The following RNF220 variants were observed in gnomAD, a reference collection of about 807,000 sequenced individuals.
RNF220 encodes the protein ring finger protein 220, also known as E3 ubiquitin-protein ligase RNF220.
In RNF220, 7 loss-of-function variants were observed where a neutral mutation model predicts 67.1. The observed-to-expected ratio is 0.10, with a 90% CI of 0.06 to 0.20. The LOEUF is 0.20. Among genes scored for constraint, RNF220 ranks in the 10% least tolerant of loss-of-function variants. The probability of loss-of-function intolerance (pLI) is 1.00; values close to 1 mark genes in which losing one functional copy is unlikely to be tolerated. For synonymous variants in RNF220, 270 were observed against 283.2 expected (o/e 0.95, Z 0.47); for missense variants, 565 against 740.3 (o/e 0.76, Z 2.75).
intron 2 of RNF220, among the ~76,000 whole-genome samples, chr1:44,418,841 ATAAT>A (rs1353847478): frequency 3.3e-5 from 5 of 152,164 alleles, no homozygotes; most frequent in Non-Finnish European, 7.3e-5. Flanking sequence ...TTCTTTGTAA[ATAAT>A]TGAGATTTGG....
chr1:44,597,359 A>G (rs1666572875), intron 2 of RNF220, among the ~76,000 whole-genome samples: 1 of 152,152 alleles, frequency 6.6e-6, no homozygotes, highest in South Asian at 2.1e-4. Flanking sequence ...TTTGGGGGGA[A>G]AAGGGGCAAG....
At chr1:44,557,029 C>G (rs1663151332) in intron 2 of RNF220, among the ~76,000 whole-genome samples, 1 of 151,474 alleles carries the variant, frequency 6.6e-6, no homozygotes, top group African/African-American at 2.4e-5. Context: ...ACCCTGGGCC[C>G]TCATTCTGCA....
At chr1:44,598,026 CT>C (rs1208962896) in intron 2 of RNF220, among the ~76,000 whole-genome samples, 2 of 151,816 alleles carry the variant, frequency 1.3e-5, no homozygotes, top group Non-Finnish European at 2.9e-5. Flanking sequence ...GGGACATATC[CT>C]GAAACCAGCC....
chr1:44,492,426 A>G (rs1656935458), intron 2 of RNF220, among the ~76,000 whole-genome samples: 1 of 152,212 alleles, frequency 6.6e-6, no homozygotes, highest in Non-Finnish European at 1.5e-5. Context: ...TATATACCCA[A>G]AAGAACTGAA....
chr1:44,628,245 C>T (rs1375616444), intron 5 of RNF220, among the ~76,000 whole-genome samples: 1 of 152,248 alleles, frequency 6.6e-6, no homozygotes, highest in East Asian at 1.9e-4. Flanking sequence ...ATCTGTTCAA[C>T]TAGGAAAGAG....
At chr1:44,568,763 C>G (rs190566842) in intron 2 of RNF220, among the ~76,000 whole-genome samples, 7 of 152,166 alleles carry the variant, frequency 4.6e-5, no homozygotes, top group African/African-American at 9.7e-5. Flanking sequence ...CGAGCTCCCC[C>G]ACCAACATGT....
At chr1:44,427,363 G>A (rs925569689) in intron 2 of RNF220, among the ~76,000 whole-genome samples, 15 of 152,064 alleles carry the variant, frequency 9.9e-5, no homozygotes, top group African/African-American at 1.2e-4. Context: ...ATGTATGTCA[G>A]GCTGTCTCCA....
At chr1:44,447,049 G>A (rs1206480750) in intron 2 of RNF220, among the ~76,000 whole-genome samples, 1 of 152,162 alleles carries the variant, frequency 6.6e-6, no homozygotes, top group Non-Finnish European at 1.5e-5. Context: ...TTATTATAGT[G>A]ATAACCTTGA....
At chr1:44,618,037 C>T (rs746591171) in intron 3 of RNF220, among the ~76,000 whole-genome samples, 4 of 152,160 alleles carry the variant, frequency 2.6e-5, no homozygotes, top group Non-Finnish European at 4.4e-5. Flanking sequence ...TGGATGCTGC[C>T]GCCAGGTGCC....
At chr1:44,484,624 T>A (rs1401313243) in intron 2 of RNF220, among the ~76,000 whole-genome samples, 2 of 152,068 alleles carry the variant, frequency 1.3e-5, no homozygotes, top group Non-Finnish European at 2.9e-5. Context: ...AGAACTGTTT[T>A]GAACAGAATG....
chr1:44,479,216 C>T (rs560051541), intron 2 of RNF220, among the ~76,000 whole-genome samples: 15 of 151,654 alleles, frequency 9.9e-5, no homozygotes, highest in Non-Finnish European at 2.1e-4. Flanking sequence ...CCCGGGTTCA[C>T]GCCATTCTCC....
intron 2 of RNF220, among the ~76,000 whole-genome samples, chr1:44,555,877 C>A (rs1663040937): frequency 1.3e-5 from 2 of 150,822 alleles, no homozygotes; most frequent in Admixed American, 1.3e-4. Context: ...TCCTACTAAT[C>A]TTTCAAGACC....
chr1:44,423,493 A>G (rs1340646), intron 2 of RNF220, among the ~76,000 whole-genome samples: 52,454 of 152,024 alleles, frequency 0.35, 9,721 homozygotes, highest in East Asian at 0.67. Flanking sequence ...TTCTAAAGAT[A>G]TGTCACTAGA....
chr1:44,473,699 G>T (rs1655022246), intron 2 of RNF220, among the ~76,000 whole-genome samples: 1 of 152,062 alleles, frequency 6.6e-6, no homozygotes, highest in South Asian at 2.1e-4. Context: ...AGATAATTGG[G>T]CTCTGTAACT....
intron 2 of RNF220, among the ~76,000 whole-genome samples, chr1:44,517,884 A>G (rs1659581051): frequency 6.6e-6 from 1 of 152,224 alleles, no homozygotes; most frequent in African/African-American, 2.4e-5. Context: ...AGGCAGGTGG[A>G]TCACCTGAGG....
chr1:44,645,920 G>C lies in RNF220; in HGVS notation c.1445+432G>C, dbSNP rs1490926918. On this transcript the variant is annotated intron_variant, in intron 12 of 14. Coordinates refer to ENST00000361799, the MANE Select transcript of RNF220 (RefSeq NM_018150.4). This position sits in a 1 kb window ranked among gnomAD's most constrained non-coding sequence, Gnocchi z 5.0. ...GGAACATTGGGTATCATCACTTCTG[G>C]TAGGAATTTTTGGCCTGGGTTCTCT... is the stretch of plus-strand genomic sequence containing the variant. Among the ~76,000 whole-genome samples, 1 of 152,244 alleles carries C rather than the reference G, an allele frequency of 6.6e-6. No individual in the cohort carries two copies. Among genetic ancestry groups the C allele is most frequent in the Non-Finnish European group, 1.5e-5 (1 of 68,040 alleles).
intron 2 of RNF220, among the ~76,000 whole-genome samples, chr1:44,415,063 C>T (rs956997857): frequency 6.8e-6 from 1 of 147,518 alleles, no homozygotes; most frequent in African/African-American, 2.5e-5. Flanking sequence ...CTGGGTCATA[C>T]TAGATAGCGT....
In RNF220 at chr1:44,649,775, TAGA is replaced by T; in HGVS notation, c.1554+8_1554+10del. On this transcript the variant is annotated splice_region_variant and intron_variant, in intron 13 of 14. Transcript: ENST00000361799. This position sits in a 1 kb window ranked among gnomAD's most constrained non-coding sequence, Gnocchi z 5.9. The stretch of plus-strand genomic sequence containing the variant: ...ACAAATGCCTCATCTGCATGGTGAG[TAGA>T]AAAGAACCTAGGGGTGCCCTTGGTC... 1 of 1,613,552 alleles carries T rather than the reference TAGA, an allele frequency of 6.2e-7. No individual in the cohort carries two copies. The highest frequency in any genetic ancestry group is 8.5e-7 in the Non-Finnish European group (1 of 1,179,774).
intron 2 of RNF220, among the ~76,000 whole-genome samples, chr1:44,586,457 G>A (rs907238142): frequency 2.6e-5 from 4 of 152,294 alleles, no homozygotes; most frequent in Non-Finnish European, 2.9e-5. Context: ...GGACAGGAGC[G>A]CTGAGGAAGA....
Sources: gnomAD v4.1 joint callset for allele counts (sites outside exome capture counted in the v4.1 genomes callset) on GRCh38, gnomAD v4.1.1 for gene constraint, Gnocchi (gnomAD v3.1) non-coding constraint, MANE v1.5 for transcripts, NCBI Gene and HGNC (gene_info 2026-07-23, HGNC 2026-07-21) for gene names.